DYSF: variants seen among roughly 807,000 people sequenced by gnomAD.
DYSF encodes the protein dysferlin.
In DYSF, 212 loss-of-function variants were observed where a neutral mutation model predicts 274.9. The ratio of observed to expected loss-of-function variants is 0.77; its 90% CI spans 0.69 to 0.86. The LOEUF (loss-of-function observed/expected upper bound fraction) is 0.86. Ranked by LOEUF, DYSF falls within the 40% of genes least tolerant of loss-of-function variation. The pLI is 0.00. For missense variants in DYSF, 2,666 were observed against 2,783.2 expected (o/e 0.96, Z 0.95); for synonymous variants, 1,091 against 1,078.7 (o/e 1.01, Z -0.22).
At chr2:71,651,410 C>A (rs2094657216) in intron 42 of DYSF, among the ~76,000 whole-genome samples, 1 of 151,854 alleles carries the variant, frequency 6.6e-6, no homozygotes, top group African/African-American at 2.4e-5. Context: ...AAGTATATTT[C>A]TATGTTAATA....
chr2:71,582,260 C>T (rs1207588859), intron 30 of DYSF, among the ~76,000 whole-genome samples: 1 of 152,068 alleles, frequency 6.6e-6, no homozygotes, highest in East Asian at 1.9e-4. Context: ...GTAGTTAGCA[C>T]TTGGCCCTTT....
rs776037045 is a variant in DYSF at position 71,569,828 on chromosome 2, A to G, written c.2873A>G (p.His958Arg). The G allele has an allele frequency of 3.7e-6, 6 of 1,613,752 alleles. No homozygotes were observed. Among genetic ancestry groups the G allele is most frequent in the Middle Eastern group, 1.6e-4 (1 of 6,082 alleles). The change falls in exon 27 of 56, where the codon CAT (histidine) becomes CGT (arginine). Residue 958 changes from histidine to arginine, a missense_variant. By Grantham distance (29) the His-to-Arg change is conservative. Coordinates refer to ENST00000410020, the MANE Select transcript of DYSF (RefSeq NM_001130987.2). The part of the protein sequence containing the change: ...WFVCPEKTLL[H>R]DMDAGHLSFV... ...CCAGCCCTCCTCCACAGTCTGCTCCATGACATGGACGCCGGTCACCTGAGC... is the reference window on the plus strand; with the variant it reads ...CCAGCCCTCCTCCACAGTCTGCTCCGTGACATGGACGCCGGTCACCTGAGC...
intron 1 of DYSF, among the ~76,000 whole-genome samples, chr2:71,478,349 C>T (rs2082574155): frequency 6.6e-6 from 1 of 151,822 alleles, no homozygotes; most frequent in Non-Finnish European, 1.5e-5. Context: ...GCAGCTGGGA[C>T]TACAGGTGCC....
At chr2:71,561,123 C>T (rs1237394548) in intron 22 of DYSF, among the ~76,000 whole-genome samples, 1 of 152,100 alleles carries the variant, frequency 6.6e-6, no homozygotes, top group East Asian at 1.9e-4. Context: ...GGGCTCAGGG[C>T]TGTGTTTCTG....
intron 52 of DYSF, among the ~76,000 whole-genome samples, chr2:71,678,384 C>G (rs988518359): frequency 6.6e-6 from 1 of 152,004 alleles, no homozygotes; most frequent in Non-Finnish European, 1.5e-5. Flanking sequence ...ATATATACAA[C>G]AAGGATGAAC....
chr2:71,615,857 G>A lies in DYSF; in HGVS notation c.4464+2447G>A, dbSNP rs2093870176. Among the ~76,000 whole-genome samples, 1 of 152,190 alleles carries A rather than the reference G, an allele frequency of 6.6e-6. No individual in the cohort carries two copies. The highest frequency in any genetic ancestry group is 1.5e-5 in the Non-Finnish European group (1 of 68,032). ...TGGCTGGCTTCTGTCTGCCCCACCG[G>A]TGTTTCTCGGCAGCCTGTTCCATCC... On this transcript the variant is annotated intron_variant, in intron 40 of 55. Coordinates refer to ENST00000410020, the MANE Select transcript of DYSF (RefSeq NM_001130987.2). This position sits in a 1 kb window ranked among gnomAD's most constrained non-coding sequence, Gnocchi z 4.9.
intron 8 of DYSF, among the ~76,000 whole-genome samples, 154 bp downstream of exon 8, chr2:71,515,905 A>T (rs2086604858): frequency 6.6e-6 from 1 of 152,010 alleles, no homozygotes; most frequent in South Asian, 2.1e-4. Context: ...TATCTGTGGG[A>T]CTGGAGAAAG....
chr2:71,463,872 C>A (rs769676127), upstream of DYSF, among the ~76,000 whole-genome samples: 39 of 152,286 alleles, frequency 2.6e-4, 2 homozygotes, highest in South Asian at 1.0e-3. Context: ...GGCTGCATAA[C>A]TGAGCAGTCA....
chr2:71,453,888 C>T lies in DYSF; in HGVS notation c.-111C>T, dbSNP rs2080938449. ...AGGAGCCAGAGATTCGAGCCGGCCT[C>T]GCCCAGCCAGCCCTCTCCAGCGAGG... On this transcript the variant is annotated 5_prime_UTR_variant, in exon 1 of 55. Transcript: ENST00000258104. 2.7e-6 allele frequency: 3 copies of T among 1,098,032 alleles called. No homozygotes were observed. In the South Asian group the frequency reaches 3.9e-5, roughly 14 times the overall value. The allele number at this position is 1,098,032 out of a possible 1,614,324, so 68.0% of individuals were successfully genotyped here. A position where few individuals can be genotyped will look rare whatever the true frequency, so the allele number is the denominator to read the frequency against.
rs758686196 is a variant in DYSF, at chr2:71,453,949, T to A, written c.-50T>A. ...GCGGCGCCTCGGCCCTCCCGACCTT[T>A]CCGAGCCCTCTTTGCGCCCTGGGCG... is the stretch of plus-strand genomic sequence containing the variant. On this transcript the variant is annotated 5_prime_UTR_variant, in exon 1 of 55. Coordinates refer to the DYSF transcript ENST00000258104. 31 of 1,600,472 alleles carry A rather than the reference T, an allele frequency of 1.9e-5. No individual in the cohort carries two copies. In the East Asian group the frequency reaches 6.9e-4, roughly 36 times the overall value.
intron 38 of DYSF, 93 bp downstream of exon 38, chr2:71,611,719 C>A: frequency 6.8e-7 from 1 of 1,480,846 alleles, no homozygotes; most frequent in South Asian, 1.2e-5. Flanking sequence ...CTCCAATTCC[C>A]TGCGGGATCC....
chr2:71,489,239 C>T (rs1342799502), intron 3 of DYSF, among the ~76,000 whole-genome samples: 1 of 152,112 alleles, frequency 6.6e-6, no homozygotes, highest in East Asian at 1.9e-4. Context: ...CTCAAAGTCC[C>T]ACTGACCCAG....
Position 71,598,662 on chromosome 2 carries a change from G to A in DYSF, c.3673G>A (p.Glu1225Lys), listed in dbSNP as rs773703042. The A allele has an allele frequency of 6.2e-6, 10 of 1,614,132 alleles. No homozygotes were observed. The highest frequency in any genetic ancestry group is 2.2e-5 in the South Asian group (2 of 91,086). Reference protein sequence around the residue: ...PTWDQTLIFYEIEIFGEPATV... With the variant: ...PTWDQTLIFYKIEIFGEPATV... ...CTGGGACCAGACGCTCATCTTCTAC[G>A]AGATCGAGATCTTTGGCGAGCCGGC... Residue 1225 changes from glutamate (E) to lysine (K), a missense_variant, in exon 33 of 56, where the codon GAG becomes AAG. Glu to Lys is a moderately conservative substitution (Grantham distance 56). Coordinates refer to ENST00000410020, the MANE Select transcript of DYSF (RefSeq NM_001130987.2).
At chr2:71,663,427 G>A (rs1380348870) in intron 45 of DYSF, among the ~76,000 whole-genome samples, 7 of 152,214 alleles carry the variant, frequency 4.6e-5, no homozygotes. Context: ...AGGATTCAGA[G>A]CAGTTCCAGT....
chr2:71,530,980 A>G (rs1292149160), intron 14 of DYSF, among the ~76,000 whole-genome samples: 1 of 152,226 alleles, frequency 6.6e-6, no homozygotes, highest in East Asian at 1.9e-4. Flanking sequence ...CTAAGAAGAT[A>G]GGAGTGTGGG....
chr2:71,574,233 G>T lies in DYSF; in HGVS notation c.3264G>T (p.Glu1088Asp). 6.2e-7 allele frequency: 1 copy of T among 1,613,898 alleles called. No individual in the cohort carries two copies. The highest frequency in any genetic ancestry group is 2.2e-5 in the East Asian group (1 of 44,872). The change falls in exon 30 of 56, where the codon GAG (glutamate) becomes GAT (aspartate). Residue 1088 changes from glutamate to aspartate, a missense_variant. Transcript: ENST00000410020. ...CGGAGGCGGAGGGCGAGGGCTGGGA[G>T]TACGCCTCTCTTTTTGGCTGGAAGT... Reference protein sequence around the residue: ...RQAEAEGEGWEYASLFGWKFH... With the variant: ...RQAEAEGEGWDYASLFGWKFH...
chr2:71,671,468 C>T (rs1203324313), intron 51 of DYSF, among the ~76,000 whole-genome samples: 1 of 152,220 alleles, frequency 6.6e-6, no homozygotes, highest in Non-Finnish European at 1.5e-5. Flanking sequence ...CCGTGGCACC[C>T]CCAGGGCTCA....
intron 30 of DYSF, among the ~76,000 whole-genome samples, chr2:71,581,289 G>T (rs1162841024): frequency 6.6e-6 from 1 of 152,194 alleles, no homozygotes; most frequent in African/African-American, 2.4e-5. Flanking sequence ...GCTCCCCAGG[G>T]GCCAGCCAGT....
chr2:71,663,206 A>G (rs2094933560), intron 45 of DYSF, among the ~76,000 whole-genome samples: 1 of 151,784 alleles, frequency 6.6e-6, no homozygotes, highest in Non-Finnish European at 1.5e-5. Flanking sequence ...TCATCCGGGT[A>G]CTCTCTGGAC....
Sources: allele counts gnomAD v4.1 joint callset (sites outside exome capture counted in the v4.1 genomes callset), GRCh38; gene constraint gnomAD v4.1.1; non-coding constraint Gnocchi (gnomAD v3.1); transcripts MANE v1.5; gene names NCBI Gene and HGNC (gene_info 2026-07-23, HGNC 2026-07-21).